Variants in FAM3B observed in about 807,000 individuals in gnomAD.
FAM3B encodes the protein FAM3 metabolism regulating signaling molecule B, also known as protein FAM3B.
FAM3B carries 29 observed loss-of-function variants against 28.4 expected under a neutral mutation model. That is an observed-to-expected ratio of 1.02 (90% CI 0.76 to 1.39). The LOEUF is 1.39. Ranked by LOEUF, FAM3B falls within the 40% of genes most tolerant of loss-of-function variation. FAM3B has a pLI of 0.00. For missense variants in FAM3B, 266 were observed against 293.9 expected (o/e 0.91, Z 0.69); for synonymous variants, 91 against 103.0 (o/e 0.88, Z 0.71).
chr21:41,307,068 A>G (rs970610193), intron 1 of FAM3B, among the ~76,000 whole-genome samples: 1 of 152,204 alleles, frequency 6.6e-6, no homozygotes, highest in Non-Finnish European at 1.5e-5. Flanking sequence ...CCCAGATGGC[A>G]CCTTCCAATA....
chr21:41,356,359 C>T (rs748366581), intron 7 of FAM3B, among the ~76,000 whole-genome samples: 1 of 152,142 alleles, frequency 6.6e-6, no homozygotes, highest in Non-Finnish European at 1.5e-5. Flanking sequence ...ATACCTTAAA[C>T]ATGCTCAGAA....
chr21:41,346,948 C>G, intron 5 of FAM3B, 65 bp from the exon 6 acceptor site: 1 of 1,452,196 alleles, frequency 6.9e-7, no homozygotes, highest in Non-Finnish European at 9.7e-7. Flanking sequence ...GGAGGAAGCC[C>G]AGCACCCAAG....
At chr21:41,348,444 T>A (rs1212614049) in intron 6 of FAM3B, 148 bp from the exon 7 acceptor site, 1 of 795,484 alleles carries the variant, frequency 1.3e-6, no homozygotes, top group East Asian at 2.6e-5. Flanking sequence ...GCCTCTTAGC[T>A]GCCACTGTGT....
intron 2 of FAM3B, among the ~76,000 whole-genome samples, chr21:41,327,582 G>A (rs183770280): frequency 1.7e-4 from 26 of 152,226 alleles, no homozygotes; most frequent in Non-Finnish European, 2.5e-4. Context: ...TTGGTTGTTC[G>A]GGAACATGTT....
intron 3 of FAM3B, among the ~76,000 whole-genome samples, chr21:41,344,231 T>A (rs1601368842): frequency 2.0e-5 from 3 of 152,390 alleles, no homozygotes; most frequent in East Asian, 3.9e-4. Context: ...TAAGATTGAA[T>A]GCAGTGTCCA....
intron 4 of FAM3B, 53 bp from the exon 5 acceptor site, chr21:41,345,633 T>C: frequency 9.1e-7 from 1 of 1,104,302 alleles, no homozygotes; most frequent in Non-Finnish European, 1.3e-6. Flanking sequence ...GTGCCACAAG[T>C]GCGCCCTAGT....
intron 6 of FAM3B, among the ~76,000 whole-genome samples, chr21:41,347,451 T>C (rs371931677): frequency 6.6e-6 from 1 of 152,114 alleles, no homozygotes; most frequent in East Asian, 1.9e-4. Context: ...TTGAGATAAT[T>C]TCCCTATAGA....
intron 4 of FAM3B, 35 bp from the exon 5 acceptor site, chr21:41,345,651 A>G: frequency 7.0e-7 from 1 of 1,428,574 alleles, no homozygotes; most frequent in Non-Finnish European, 9.5e-7. Context: ...AGTTCTGTGA[A>G]CTTTCTTTTA....
intron 1 of FAM3B, among the ~76,000 whole-genome samples, chr21:41,311,251 A>AAAAAAAAAAAAAAAAAAAAT (rs1555866518): frequency 2.9e-5 from 1 of 35,074 alleles, no homozygotes; most frequent in Non-Finnish European, 4.7e-5. Context: ...AAAAAAAAAA[A>AAAAAAAAAAAAAAAAAAAAT]ATATATATAT....
intron 2 of FAM3B, among the ~76,000 whole-genome samples, chr21:41,332,034 G>A (rs557421407): frequency 1.3e-5 from 2 of 152,346 alleles, no homozygotes; most frequent in East Asian, 3.9e-4. Flanking sequence ...TGGAGGTGGA[G>A]CCTGGAGGGA....
In FAM3B at chr21:41,338,427, T is replaced by C. The variant is rs1482138313; in HGVS notation, c.213T>C (p.Ser71=). Residue 71 remains serine (S), a synonymous_variant, in exon 3 of 8, where the codon TCT becomes TCC. Coordinates refer to ENST00000357985, the MANE Select transcript of FAM3B (RefSeq NM_058186.4). ...QKCDHWTPCP[S]DTYAYRLLSG... is the part of the protein sequence containing the mutation. Reference sequence around the variant, plus strand: ...GTGACCACTGGACTCCCTGCCCATCTGACACCTATGCCTACAGGTTACTCA... The same window carrying C: ...GTGACCACTGGACTCCCTGCCCATCCGACACCTATGCCTACAGGTTACTCA... 3 of 1,614,214 alleles carry C rather than the reference T, an allele frequency of 1.9e-6. No homozygotes were observed. The East Asian group carries it at 6.7e-5, about 36-fold the overall frequency.
intron 2 of FAM3B, among the ~76,000 whole-genome samples, chr21:41,329,585 T>G (rs1820479937): frequency 1.3e-5 from 2 of 152,010 alleles, no homozygotes; most frequent in Non-Finnish European, 2.9e-5. Context: ...TTTTTTTTTT[T>G]TTGAGATGAA....
chr21:41,335,276 A>G (rs942238544), intron 2 of FAM3B, among the ~76,000 whole-genome samples: 4 of 152,122 alleles, frequency 2.6e-5, no homozygotes, highest in African/African-American at 9.7e-5. Flanking sequence ...AGGACAAGAT[A>G]TTTGGGGGAC....
At chr21:41,336,917 G>T (rs1365929964) in intron 2 of FAM3B, among the ~76,000 whole-genome samples, 2 of 152,064 alleles carry the variant, frequency 1.3e-5, no homozygotes, top group Non-Finnish European at 2.9e-5. Context: ...GTTTCCATTT[G>T]CATGGAGTGT....
chr21:41,340,214 C>T (rs534150324), intron 3 of FAM3B, among the ~76,000 whole-genome samples: 10 of 145,462 alleles, frequency 6.9e-5, no homozygotes, highest in East Asian at 2.0e-4. Context: ...AGTGCAGTGG[C>T]GCCATCTCGG....
chr21:41,339,093 C>T (rs915797909), intron 3 of FAM3B, among the ~76,000 whole-genome samples: 9 of 152,176 alleles, frequency 5.9e-5, no homozygotes, highest in Admixed American at 3.9e-4. Context: ...CCATACTTTA[C>T]ACTTCTTCAA....
intron 1 of FAM3B, among the ~76,000 whole-genome samples, chr21:41,322,405 G>A (rs76669309): frequency 6.6e-6 from 1 of 152,106 alleles, no homozygotes; most frequent in African/African-American, 2.4e-5. Flanking sequence ...ACGGGGCCAG[G>A]CCTTGATCCA....
In FAM3B at chr21:41,347,052, C is replaced by T. The variant is rs1365142460; in HGVS notation, c.437C>T (p.Ala146Val). 5.6e-6 allele frequency: 9 copies of T among 1,614,154 alleles called. No individual in the cohort carries two copies. Among genetic ancestry groups the T allele is most frequent in the Non-Finnish European group, 7.6e-6 (9 of 1,180,020 alleles). ...ATGACAAAGTTTATTCAGAGTGCTG[C>T]TCCAAAATCCCTGCTCTTCATGGTG... is the stretch of plus-strand genomic sequence containing the variant. Reference protein sequence around the residue: ...GPMTKFIQSAAPKSLLFMVTY... With the variant: ...GPMTKFIQSAVPKSLLFMVTY... The change falls in exon 6 of 8, where the codon GCT (alanine) becomes GTT (valine). Residue 146 changes from alanine to valine, a missense_variant. Transcript: ENST00000357985.
Position 41,319,189 on chromosome 21 carries a change from C to T in FAM3B, c.19+2291C>T, listed in dbSNP as rs115229158. On this transcript the variant is annotated intron_variant, in intron 1 of 7. Transcript: ENST00000357985. ...GAGGTAACAGGTGTAAGCCACTGCA[C>T]CCAGCTTCTGGCTCTTAAGTGAAGC... Among the ~76,000 whole-genome samples the T allele has an allele frequency of 6.4e-3, 968 of 152,282 alleles. 8 individuals carry two copies. Among genetic ancestry groups the T allele is most frequent in the African/African-American group, 0.023 (938 of 41,564 alleles).
Sources: gnomAD v4.1 joint callset for allele counts (sites outside exome capture counted in the v4.1 genomes callset) on GRCh38, gnomAD v4.1.1 for gene constraint, MANE v1.5 for transcripts, NCBI Gene and HGNC (gene_info 2026-07-23, HGNC 2026-07-21) for gene names.